The following CPAP variants were observed in gnomAD, a reference collection of about 807,000 sequenced individuals.
The protein encoded by CPAP is centrosome assembly and centriole elongation protein, also known as centrosomal P4.1-associated protein.
At chr13:24,907,004 A>C in the CPAP span, 1 of 1,600,552 alleles carries the variant, frequency 6.2e-7, no homozygotes, top group East Asian at 2.2e-5. Context: ...GGTATATCCA[A>C]GTGATCTCAA....
At chr13:24,903,853 C>T in the CPAP span, 2 of 1,419,936 alleles carry the variant, frequency 1.4e-6, no homozygotes, top group African/African-American at 1.4e-5. Context: ...TTGTTTCAGA[C>T]TGTTTATAGA....
the CPAP span, chr13:24,892,539 C>G: frequency 3.0e-4 from 264 of 893,326 alleles, 1 homozygote; most frequent in African/African-American, 3.3e-3. Context: ...ACTGCCCCCC[C>G]AGCCCCTGGC....
the CPAP span, among the ~76,000 whole-genome samples, chr13:24,903,203 C>T: frequency 3.3e-5 from 5 of 152,166 alleles, no homozygotes; most frequent in African/African-American, 4.8e-5. Flanking sequence ...GTCATACTAT[C>T]GACTGCTGTA....
At chr13:24,928,372 G>A in the CPAP span, among the ~76,000 whole-genome samples, 1 of 152,200 alleles carries the variant, frequency 6.6e-6, no homozygotes, top group Admixed American at 6.5e-5. Flanking sequence ...TTACCTGCAG[G>A]AAGAGTGAAG....
the CPAP span, among the ~76,000 whole-genome samples, chr13:24,891,149 C>T: frequency 1.3e-5 from 2 of 151,980 alleles, no homozygotes; most frequent in African/African-American, 2.4e-5. Context: ...GATTTCAGTC[C>T]TCCTCTGAGT....
the CPAP span, among the ~76,000 whole-genome samples, chr13:24,910,749 A>T: frequency 1.3e-5 from 2 of 152,250 alleles, no homozygotes; most frequent in African/African-American, 4.8e-5. Flanking sequence ...TTCTACCTTT[A>T]AAAGTATCAC....
At chr13:24,884,171 A>C in the CPAP span, 1 of 1,614,064 alleles carries the variant, frequency 6.2e-7, no homozygotes, top group African/African-American at 1.3e-5. Flanking sequence ...CTATTTGTCC[A>C]CTTGAGAAAT....
At chr13:24,929,845 T>C in the CPAP span, among the ~76,000 whole-genome samples, 1 of 152,086 alleles carries the variant, frequency 6.6e-6, no homozygotes, top group East Asian at 1.9e-4. Context: ...TCAATTGTTT[T>C]CAAGTTTGCT....
the CPAP span, among the ~76,000 whole-genome samples, chr13:24,901,175 G>A: frequency 9.2e-5 from 14 of 152,238 alleles, no homozygotes; most frequent in East Asian, 2.7e-3. Context: ...TCAAAATGTC[G>A]ACCGTGTGCA....
the CPAP span, chr13:24,886,113 T>C: frequency 5.0e-6 from 2 of 399,722 alleles, no homozygotes; most frequent in Non-Finnish European, 5.0e-6. Context: ...CAGCAACATA[T>C]ACATTACAAA....
At chr13:24,929,889 C>T in the CPAP span, among the ~76,000 whole-genome samples, 1 of 144,574 alleles carries the variant, frequency 6.9e-6, no homozygotes, top group Non-Finnish European at 1.5e-5. Flanking sequence ...ATCTGTTGAG[C>T]GTCACTTGTG....
the CPAP span, chr13:24,882,693 T>C: frequency 1.5e-3 from 243 of 158,772 alleles, 1 homozygote; most frequent in African/African-American, 5.6e-3. Context: ...CATTCTGTTA[T>C]AATAATTAAT....
chr13:24,904,745 AT>A, the CPAP span, among the ~76,000 whole-genome samples: 1 of 152,200 alleles, frequency 6.6e-6, no homozygotes, highest in Non-Finnish European at 1.5e-5. Context: ...TAAAATCAGA[AT>A]TTTTGAAAAT....
the CPAP span, chr13:24,892,968 A>C: frequency 1.1e-6 from 1 of 875,144 alleles, no homozygotes; most frequent in South Asian, 1.5e-5. Context: ...ATAGCCAGCA[A>C]GAAAGGGAAG....
At chr13:24,911,099 C>T in the CPAP span, among the ~76,000 whole-genome samples, 1 of 152,068 alleles carries the variant, frequency 6.6e-6, no homozygotes. Context: ...CTATGGGACA[C>T]AATCTATAAT....
the CPAP span, chr13:24,884,177 G>A: frequency 6.2e-7 from 1 of 1,614,174 alleles, no homozygotes; most frequent in South Asian, 1.1e-5. Flanking sequence ...GTCCACTTGA[G>A]AAATGTAAGA....
At chr13:24,882,966 G>T in the CPAP span, 58 of 568,424 alleles carry the variant, frequency 1.0e-4, no homozygotes, top group African/African-American at 9.2e-4. Context: ...GCTTTCCTTA[G>T]TCTATTGAAA....
At chr13:24,918,269 T>C in the CPAP span, among the ~76,000 whole-genome samples, 1 of 152,336 alleles carries the variant, frequency 6.6e-6, no homozygotes, top group South Asian at 2.1e-4. Context: ...CAATTTGCTG[T>C]GGCAAAGCGA....
chr13:24,902,657 T>C, the CPAP span, among the ~76,000 whole-genome samples: 1 of 152,192 alleles, frequency 6.6e-6, no homozygotes, highest in Non-Finnish European at 1.5e-5. Context: ...TTAAGGAAGA[T>C]GGTGGAGTAG....
Sources: gnomAD v4.1 joint callset for allele counts (sites outside exome capture counted in the v4.1 genomes callset) on GRCh38, gnomAD v4.1.1 for gene constraint, MANE v1.5 for transcripts, NCBI Gene and HGNC (gene_info 2026-07-23, HGNC 2026-07-21) for gene names.